USH2A: variants seen among roughly 807,000 people sequenced by gnomAD.
USH2A encodes the protein Usher syndrome 2A (autosomal recessive, mild).
In USH2A, 443 loss-of-function variants were observed where a neutral mutation model predicts 538.9. The ratio of observed to expected loss-of-function variants is 0.82; its 90% CI spans 0.76 to 0.89. The LOEUF (loss-of-function observed/expected upper bound fraction) is 0.89. USH2A is among the 40% of genes least tolerant of loss of function. The pLI is 0.00. For missense variants in USH2A, 6,633 were observed against 6,324.8 expected, an observed-to-expected ratio of 1.05 and a Z score of -1.65; for synonymous variants, 2,413 against 2,273.5, an observed-to-expected ratio of 1.06 and a Z score of -1.75.
At chr1:216,233,679 TA>T (rs2035748534) in intron 13 of USH2A, among the ~76,000 whole-genome samples, 1 of 152,104 alleles carries the variant, frequency 6.6e-6, no homozygotes, top group South Asian at 2.1e-4. Flanking sequence ...CTAAAACTCA[TA>T]TTTTTTTTCT....
At chr1:216,261,743 A>G (rs2036377391) in intron 11 of USH2A, among the ~76,000 whole-genome samples, 1 of 152,146 alleles carries the variant, frequency 6.6e-6, no homozygotes, top group Admixed American at 6.5e-5. Flanking sequence ...CCAGTTCCAG[A>G]ACCAGCTGAT....
At chr1:216,343,007 T>G (rs2038105994) in intron 4 of USH2A, among the ~76,000 whole-genome samples, 1 of 151,972 alleles carries the variant, frequency 6.6e-6, no homozygotes, top group South Asian at 2.1e-4. Context: ...AATAAAATTT[T>G]TTTTAAGTTA....
At chr1:215,628,429 CCCA>C (rs1656138922) in intron 71 of USH2A, among the ~76,000 whole-genome samples, 1 of 152,054 alleles carries the variant, frequency 6.6e-6, no homozygotes, top group South Asian at 2.1e-4. Context: ...ATTACAGGTG[CCCA>C]CCACCACACC....
intron 61 of USH2A, among the ~76,000 whole-genome samples, chr1:215,723,133 G>A (rs1238215279): frequency 6.6e-6 from 1 of 152,078 alleles, no homozygotes. Context: ...GGAAGGTATT[G>A]GTCTAAAGAG....
intron 55 of USH2A, among the ~76,000 whole-genome samples, chr1:215,767,367 AAAG>A (rs1457366461): frequency 6.6e-6 from 1 of 152,196 alleles, no homozygotes; most frequent in African/African-American, 2.4e-5. Context: ...AGGAAAATAA[AAAG>A]AAGGTTAGAT....
intron 21 of USH2A, among the ~76,000 whole-genome samples, chr1:216,148,534 A>G (rs1066176): frequency 0.63 from 94,891 of 151,592 alleles, 29,806 homozygotes; most frequent in East Asian, 0.79. Flanking sequence ...CTCAATGCCA[A>G]TATCCCACCT....
chr1:216,303,741 G>A (rs1170222861), intron 9 of USH2A, among the ~76,000 whole-genome samples: 2 of 152,010 alleles, frequency 1.3e-5, no homozygotes, highest in East Asian at 3.9e-4. Context: ...GTGTCTGCCA[G>A]GGAATCTTTT....
At chr1:216,231,748 G>A (rs1572073732) in intron 14 of USH2A, among the ~76,000 whole-genome samples, 1 of 151,910 alleles carries the variant, frequency 6.6e-6, no homozygotes, top group Non-Finnish European at 1.5e-5. Flanking sequence ...GGGTTTCACC[G>A]TGTTGGCCAG....
chr1:216,319,843 T>C lies in USH2A; in HGVS notation c.1644+2040A>G, dbSNP rs538446066. Among the ~76,000 whole-genome samples, 3 of 152,290 alleles carry C rather than the reference T, an allele frequency of 2.0e-5. No individual in the cohort carries two copies. The East Asian group carries it at 5.8e-4, about 29-fold the overall frequency. ...CAGAAATGGAATTTGCCAAAACCTT[T>C]ACAGATGGTTTTTTAAAAAGCAAGA... On this transcript the variant is annotated intron_variant, in intron 9 of 71. Transcript: ENST00000307340.
At chr1:216,062,645 T>C (rs138167312) in intron 30 of USH2A, among the ~76,000 whole-genome samples, 1 of 152,256 alleles carries the variant, frequency 6.6e-6, no homozygotes, top group East Asian at 1.9e-4. Context: ...GAAACTCCAA[T>C]GTAAGGATAT....
At chr1:216,024,225 G>A (rs10779663) in intron 32 of USH2A, among the ~76,000 whole-genome samples, 69,274 of 151,880 alleles carry the variant, frequency 0.46, 16,390 homozygotes, top group East Asian at 0.7. Flanking sequence ...AGAGCTGAGC[G>A]CCAGTTTAGA....
chr1:215,763,859 A>AT (rs67674667), intron 56 of USH2A, among the ~76,000 whole-genome samples: 5 of 152,128 alleles, frequency 3.3e-5, no homozygotes, highest in Non-Finnish European at 4.4e-5. Context: ...AAGAAGAACA[A>AT]TTTTTTTAAA....
At chr1:216,127,563 C>T (rs1286980238) in intron 21 of USH2A, among the ~76,000 whole-genome samples, 2 of 152,050 alleles carry the variant, frequency 1.3e-5, no homozygotes, top group Non-Finnish European at 2.9e-5. Context: ...CTATTGCTGG[C>T]GTTTATACAG....
intron 44 of USH2A, among the ~76,000 whole-genome samples, chr1:215,857,971 C>T (rs1458311914): frequency 6.6e-6 from 1 of 152,086 alleles, no homozygotes. Context: ...AAGTGGGGAT[C>T]CACTCAGATG....
chr1:216,283,566 C>G (rs1215476540), intron 11 of USH2A, among the ~76,000 whole-genome samples: 2 of 151,942 alleles, frequency 1.3e-5, no homozygotes, highest in Admixed American at 1.3e-4. Flanking sequence ...TGCTTTTGAT[C>G]TTAGGAAAAA....
chr1:215,856,050 G>A (rs958357540), intron 44 of USH2A, among the ~76,000 whole-genome samples: 2 of 152,124 alleles, frequency 1.3e-5, no homozygotes, highest in Non-Finnish European at 2.9e-5. Context: ...ATGGAACAAA[G>A]ACTTAAATCT....
chr1:216,153,979 A>G (rs184479544), intron 21 of USH2A, among the ~76,000 whole-genome samples: 337 of 152,328 alleles, frequency 2.2e-3, no homozygotes, highest in African/African-American at 7.6e-3. Flanking sequence ...TTTTCAAGCA[A>G]CTATATTTCT....
chr1:216,217,905 A>G (rs1159913668), intron 14 of USH2A, among the ~76,000 whole-genome samples: 3 of 152,134 alleles, frequency 2.0e-5, no homozygotes, highest in Non-Finnish European at 4.4e-5. Context: ...TTACAAAAGC[A>G]GTGTTCCTGT....
chr1:215,737,860 A>G (rs558358933), intron 60 of USH2A, among the ~76,000 whole-genome samples: 1 of 152,196 alleles, frequency 6.6e-6, no homozygotes, highest in South Asian at 2.1e-4. Flanking sequence ...AAACCCTTTC[A>G]TATCATACAG....
Sources: gnomAD v4.1 joint callset for allele counts (sites outside exome capture counted in the v4.1 genomes callset) on GRCh38, gnomAD v4.1.1 for gene constraint, MANE v1.5 for transcripts, NCBI Gene and HGNC (gene_info 2026-07-23, HGNC 2026-07-21) for gene names.